The following PRDM11 variants were observed in gnomAD, a reference collection of about 807,000 sequenced individuals.
PRDM11 encodes PR domain-containing protein 11.
Under a neutral mutation model 97.8 loss-of-function variants are expected in PRDM11, and 20 were observed. That is an observed-to-expected ratio of 0.20 (90% CI 0.14 to 0.30). The LOEUF (loss-of-function observed/expected upper bound fraction) is 0.30, where lower values mean the gene tolerates loss of function less well. Ranked by LOEUF, PRDM11 falls within the 10% of genes least tolerant of loss-of-function variation. The pLI, the probability that PRDM11 is intolerant of heterozygous loss-of-function variation, is 1.00. For missense variants in PRDM11, 1,139 were observed against 1,555.2 expected (o/e 0.73, Z 4.50); for synonymous variants, 599 against 637.7 (o/e 0.94, Z 0.91).
intron 7 of PRDM11, chr11:45,225,148 C>G: frequency 7.3e-7 from 1 of 1,370,164 alleles, no homozygotes; most frequent in Non-Finnish European, 9.4e-7. Flanking sequence ...TGTCTTACCC[C>G]AAAGCCCAAT....
chr11:45,124,239 T>G (rs891304208), intron 1 of PRDM11, among the ~76,000 whole-genome samples: 1 of 152,222 alleles, frequency 6.6e-6, no homozygotes, highest in Non-Finnish European at 1.5e-5. Context: ...CTTGAGATTT[T>G]GGGCTGAGAC....
intron 1 of PRDM11, among the ~76,000 whole-genome samples, chr11:45,159,641 G>T (rs1851884169): frequency 6.6e-6 from 1 of 152,200 alleles, no homozygotes; most frequent in Non-Finnish European, 1.5e-5. Context: ...TCTGCTTGCT[G>T]TATTGTCAGG....
At chr11:45,108,322 A>T (rs1354167469) in intron 1 of PRDM11, among the ~76,000 whole-genome samples, 1 of 152,120 alleles carries the variant, frequency 6.6e-6, no homozygotes, top group Non-Finnish European at 1.5e-5. Context: ...TCTCCCCATG[A>T]TGCAGCAGCT....
At chr11:45,134,706 A>T in intron 1 of PRDM11, among the ~76,000 whole-genome samples, 1 of 138,654 alleles carries the variant, frequency 7.2e-6, no homozygotes, top group African/African-American at 3.0e-5. Context: ...CTCACGAAAA[A>T]AAAAAAAAAA....
At chr11:45,174,190 A>G (rs567934892) in intron 1 of PRDM11, among the ~76,000 whole-genome samples, 2 of 152,240 alleles carry the variant, frequency 1.3e-5, no homozygotes, top group East Asian at 3.9e-4. Context: ...ATTATCACTC[A>G]TCCAGATTAT....
At chr11:45,112,583 C>CCA (rs1360429102) in intron 1 of PRDM11, among the ~76,000 whole-genome samples, 3 of 152,186 alleles carry the variant, frequency 2.0e-5, no homozygotes, top group African/African-American at 7.2e-5. Context: ...CTTTTCATGA[C>CCA]ATCCATGCCA....
chr11:45,136,084 T>C (rs553033054), intron 1 of PRDM11, among the ~76,000 whole-genome samples: 10 of 152,348 alleles, frequency 6.6e-5, no homozygotes, highest in African/African-American at 2.2e-4. Flanking sequence ...GCCAATGTAT[T>C]GTACCAATGG....
chr11:45,107,820 T>C (rs942815952), intron 1 of PRDM11, among the ~76,000 whole-genome samples: 1 of 149,842 alleles, frequency 6.7e-6, no homozygotes, highest in African/African-American at 2.5e-5. Context: ...GCTCAATAAA[T>C]GTGGGTTGGA....
rs1446115071 is a variant in PRDM11, at chr11:45,183,409, G to A, written c.486+286G>A. 2.0e-5 allele frequency among the ~76,000 whole-genome samples: 3 copies of A among 152,258 alleles called. No homozygotes were observed. In the South Asian group the frequency reaches 6.2e-4, roughly 32 times the overall value. ...ATGAATCCTCATGTGTGTGTCTGGT[G>A]GACCATTGGGCAGTATTGAACCAAC... On this transcript the variant is annotated intron_variant, in intron 4 of 7. Transcript: ENST00000683152.
chr11:45,102,454 C>T (rs1851994349), intron 1 of PRDM11, among the ~76,000 whole-genome samples: 1 of 152,300 alleles, frequency 6.6e-6, no homozygotes, highest in African/African-American at 2.4e-5. Flanking sequence ...TGCAGCACTC[C>T]CTGGGGCCGG....
chr11:45,176,780 G>A (rs1434241543), intron 1 of PRDM11, among the ~76,000 whole-genome samples: 3 of 152,208 alleles, frequency 2.0e-5, no homozygotes, highest in African/African-American at 4.8e-5. Context: ...TGCTTGCTGA[G>A]AATATAAATT....
At chr11:45,094,483 G>T (rs1483463435), upstream of PRDM11, among the ~76,000 whole-genome samples, 3 of 151,524 alleles carry the variant, frequency 2.0e-5, no homozygotes, top group African/African-American at 7.3e-5. Context: ...GTGAGTCATG[G>T]TGGGGAAGAG....
rs4433560 is a variant in PRDM11 at position 45,232,315 on chromosome 11, T to A, written c.*4156T>A. ...GGGACCCAGGAGGTGGCCTGAGGGG[T>A]TGAAGTATAACTTCCCTCTTCTGGA... On this transcript the variant is annotated 3_prime_UTR_variant, in exon 8 of 8. Transcript: ENST00000683152. The A allele has an allele frequency of 0.21, 31,686 of 152,174 alleles. 4,026 individuals carry two copies. Among genetic ancestry groups the A allele is most frequent in the African/African-American group, 0.35 (14,520 of 41,450 alleles). 9.4% of individuals were successfully genotyped at this position (152,174 alleles called of 1,614,324 possible). A position where few individuals can be genotyped will look rare whatever the true frequency, so the allele number is the denominator to read the frequency against.
intron 1 of PRDM11, among the ~76,000 whole-genome samples, chr11:45,108,694 A>T (rs1852112074): frequency 6.6e-6 from 1 of 152,182 alleles, no homozygotes. Flanking sequence ...TCTCAGTGGC[A>T]GCTGTCTTTG....
chr11:45,205,983 G>A lies in PRDM11; in HGVS notation c.554+1205G>A, dbSNP rs534309523. 6.6e-5 allele frequency among the ~76,000 whole-genome samples: 10 copies of A among 152,262 alleles called. No individual in the cohort carries two copies. In the East Asian group the frequency reaches 7.7e-4, roughly 12 times the overall value. On this transcript the variant is annotated intron_variant, in intron 5 of 7. Coordinates refer to ENST00000683152, the MANE Select transcript of PRDM11 (RefSeq NM_001384648.1). ...GCCTTGCAGTGTGGAGAATAGCACC[G>A]ACTGCCCCCAACCTCCTTGGACACA...
chr11:45,232,670 C>G lies in PRDM11; in HGVS notation c.*4511C>G, dbSNP rs1235393137. The G allele has an allele frequency of 6.6e-6, 1 of 152,282 alleles. No individual in the cohort carries two copies. The highest frequency in any genetic ancestry group is 2.4e-5 in the African/African-American group (1 of 41,452). The allele number at this position is 152,282 out of a possible 1,614,324, so 9.4% of individuals were successfully genotyped here. A position where few individuals can be genotyped will look rare whatever the true frequency, so the allele number is the denominator to read the frequency against. On this transcript the variant is annotated 3_prime_UTR_variant, in exon 8 of 8. Coordinates refer to ENST00000683152, the MANE Select transcript of PRDM11 (RefSeq NM_001384648.1). ...ATGGGTTCTAGTCTGGCCTCTTCCT[C>G]AGTCCTCAGGAGGACCCAAGAGACT...
At chr11:45,155,730 T>A (rs1851777570) in intron 1 of PRDM11, among the ~76,000 whole-genome samples, 1 of 151,552 alleles carries the variant, frequency 6.6e-6, no homozygotes, top group African/African-American at 2.4e-5. Flanking sequence ...TCAGCAAGCT[T>A]AGCAGCCAGG....
intron 1 of PRDM11, among the ~76,000 whole-genome samples, chr11:45,120,973 T>G (rs1416733424): frequency 6.6e-6 from 1 of 152,138 alleles, no homozygotes; most frequent in Non-Finnish European, 1.5e-5. Flanking sequence ...AGTGCAACCT[T>G]AAGGTAGACT....
Position 45,232,598 on chromosome 11 carries a change from G to A in PRDM11, c.*4439G>A, listed in dbSNP as rs956879844. 6.6e-6 allele frequency: 1 copy of A among 152,366 alleles called. No homozygotes were observed. The highest frequency in any genetic ancestry group is 1.5e-5 in the Non-Finnish European group (1 of 68,184). 9.4% of individuals were successfully genotyped at this position (152,366 alleles called of 1,614,324 possible). A position where few individuals can be genotyped will look rare whatever the true frequency, so the allele number is the denominator to read the frequency against. On this transcript the variant is annotated 3_prime_UTR_variant, in exon 8 of 8. Coordinates refer to ENST00000683152, the MANE Select transcript of PRDM11 (RefSeq NM_001384648.1). The stretch of plus-strand genomic sequence containing the variant: ...AGAAAGGGGTTTTCAGAGGGCAGTG[G>A]TGTGCCCATTCCAGACACCAGTCTT...
Sources: allele counts gnomAD v4.1 joint callset (sites outside exome capture counted in the v4.1 genomes callset), GRCh38; gene constraint gnomAD v4.1.1; transcripts MANE v1.5; gene names NCBI Gene and HGNC (gene_info 2026-07-23, HGNC 2026-07-21).